The following PIK3C2A variants were observed in gnomAD, a reference collection of about 807,000 sequenced individuals.
PIK3C2A encodes phosphatidylinositol 4-phosphate 3-kinase C2 domain-containing subunit alpha.
PIK3C2A carries 97 observed loss-of-function variants against 204.5 expected under a neutral mutation model. The observed-to-expected ratio is 0.47, with a 90% confidence interval of 0.40 to 0.56. The LOEUF (loss-of-function observed/expected upper bound fraction) is 0.56, where lower values mean the gene tolerates loss of function less well. PIK3C2A is among the 20% of genes least tolerant of loss of function. The probability of loss-of-function intolerance (pLI) is 0.00; values close to 1 mark genes in which losing one functional copy is unlikely to be tolerated. For missense variants in PIK3C2A, 1,735 were observed against 1,969.2 expected (o/e 0.88, Z 2.25); for synonymous variants, 653 against 664.4 (o/e 0.98, Z 0.26).
intron 20 of PIK3C2A, among the ~76,000 whole-genome samples, chr11:17,113,666 C>T (rs1044050221): frequency 6.6e-6 from 1 of 150,768 alleles, no homozygotes; most frequent in African/African-American, 2.5e-5. Context: ...CCTGTAATCC[C>T]GGCTACTTGG....
intron 1 of PIK3C2A, among the ~76,000 whole-genome samples, chr11:17,178,114 A>AAAAAAAAAAAAAAAAG (rs1565294473): frequency 2.7e-5 from 2 of 73,238 alleles, no homozygotes; most frequent in African/African-American, 8.8e-5. Flanking sequence ...AAAAAAAAAG[A>AAAAAAAAAAAAAAAAG]AAAAAAAAAT....
At chr11:17,094,877 T>C (rs1848408355) in intron 27 of PIK3C2A, among the ~76,000 whole-genome samples, 1 of 152,124 alleles carries the variant, frequency 6.6e-6, no homozygotes, top group Non-Finnish European at 1.5e-5. Flanking sequence ...AAAAAGCAAA[T>C]ATAAGTCATT....
chr11:17,155,955 A>G (rs1169010908), intron 2 of PIK3C2A, among the ~76,000 whole-genome samples: 1 of 152,084 alleles, frequency 6.6e-6, no homozygotes, highest in Non-Finnish European at 1.5e-5. Flanking sequence ...AAATTAAAGG[A>G]CTCTCTGTTT....
chr11:17,107,754 T>C lies in PIK3C2A; in HGVS notation c.3545-2449A>G, dbSNP rs1242521323. 8.5e-5 allele frequency among the ~76,000 whole-genome samples: 13 copies of C among 152,320 alleles called. No individual in the cohort carries two copies. The East Asian group carries it at 2.3e-3, about 27-fold the overall frequency. ...ACAGAGCTCTGCTTTGGACAAAGGA[T>C]TGGAGGAAACAGAAGTTGACCAAGG... On this transcript the variant is annotated intron_variant, in intron 22 of 32. Coordinates refer to ENST00000691414, the MANE Select transcript of PIK3C2A (RefSeq NM_002645.4).
In PIK3C2A at chr11:17,134,887, C is replaced by T; in HGVS notation, c.2040G>A (p.Trp680Ter). 3 of 1,614,166 alleles carry T rather than the reference C, an allele frequency of 1.9e-6. No individual in the cohort carries two copies. The highest frequency in any genetic ancestry group is 1.7e-6 in the Non-Finnish European group (2 of 1,180,006). The change falls in exon 11 of 33, where the codon TGG (tryptophan) becomes TGA (stop). Residue 680 changes from tryptophan (W) to a stop codon, truncating the protein, a stop_gained. Coordinates refer to ENST00000691414, the MANE Select transcript of PIK3C2A (RefSeq NM_002645.4). LOFTEE classifies it high-confidence loss of function. ...AQSSKSVKEA[W>*]TTTEQLQFTI... ...TAAACTGGAGCTGCTCTGTTGTAGT[C>T]CATGCTTCCTTGACACTCTTGCTAC... is the stretch of plus-strand genomic sequence containing the variant.
chr11:17,194,783 C>A (rs1257588465), intron 1 of PIK3C2A, among the ~76,000 whole-genome samples: 1 of 152,020 alleles, frequency 6.6e-6, no homozygotes, highest in Non-Finnish European at 1.5e-5. Flanking sequence ...GTGGCACATG[C>A]CTGTTATCCC....
chr11:17,189,469 G>T (rs1380295582), intron 1 of PIK3C2A, among the ~76,000 whole-genome samples: 1 of 146,098 alleles, frequency 6.8e-6, no homozygotes, highest in Non-Finnish European at 1.5e-5. Context: ...ACAAAAATTA[G>T]CTGGGCATGG....
chr11:17,136,446 G>C lies in PIK3C2A; in HGVS notation c.1848+36C>G, dbSNP rs17847739. ...AAATCTCCTGTTTAAGTACATATTT[G>C]CATGTAATAAAATCCTAGTTACCAA... On this transcript the variant is annotated intron_variant, in intron 9 of 32. Coordinates refer to ENST00000691414, the MANE Select transcript of PIK3C2A (RefSeq NM_002645.4). 9.8e-4 allele frequency: 1,460 copies of C among 1,494,224 alleles called. 28 individuals carry two copies. In the East Asian group the frequency reaches 0.028, roughly 29 times the overall value. 92.6% of individuals were successfully genotyped at this position (1,494,224 alleles called of 1,614,324 possible). A position where few individuals can be genotyped will look rare whatever the true frequency, so the allele number is the denominator to read the frequency against.
Position 17,109,524 on chromosome 11 carries a change from A to T in PIK3C2A, c.3544+908T>A, listed in dbSNP as rs1848931082. Among the ~76,000 whole-genome samples the T allele has an allele frequency of 2.0e-5, 3 of 152,352 alleles. 1 individual carries two copies. In the South Asian group the frequency reaches 6.2e-4, roughly 32 times the overall value. ...ATAACTTTGTATGACTTTATTTTAT[A>T]AAAATGAAATCAAAGTTGATTTAAC... On this transcript the variant is annotated intron_variant, in intron 22 of 32. Transcript: ENST00000691414.
intron 1 of PIK3C2A, among the ~76,000 whole-genome samples, chr11:17,172,638 TTC>T (rs1471781457): frequency 1.3e-5 from 2 of 152,244 alleles, no homozygotes; most frequent in East Asian, 1.9e-4. Context: ...AGCAACAAAC[TTC>T]TGTTTTAACT....
intron 13 of PIK3C2A, among the ~76,000 whole-genome samples, chr11:17,127,265 G>A (rs1000828019): frequency 1.3e-5 from 2 of 152,024 alleles, no homozygotes; most frequent in African/African-American, 4.8e-5. Context: ...TCAAATAGGG[G>A]GGAAGCGACT....
chr11:17,201,598 T>C (rs1331432894), intron 1 of PIK3C2A, among the ~76,000 whole-genome samples: 6 of 151,748 alleles, frequency 4.0e-5, no homozygotes, highest in Admixed American at 3.3e-4. Flanking sequence ...TTATGTTCCC[T>C]TAGCTAAGTT....
At chr11:17,198,515 T>C (rs1288896390) in intron 1 of PIK3C2A, among the ~76,000 whole-genome samples, 2 of 152,328 alleles carry the variant, frequency 1.3e-5, no homozygotes, top group South Asian at 4.1e-4. Flanking sequence ...TAAAATTATA[T>C]AATAAAATGC....
rs371798912 is a variant in PIK3C2A at position 17,114,080 on chromosome 11, A to AAAATAAATAAATAAATAAATAAAT, written c.3321+257_3321+280dup. ...GGGCAAGAGTGAGACTTTGTCTCAAAAAATAAATAAATAAATAAATAAATA... is the reference window on the plus strand; with the variant it reads ...GGGCAAGAGTGAGACTTTGTCTCAAAAAATAAATAAATAAATAAATAAATAAATAAATAAATAAATAAATAAATA... On this transcript the variant is annotated intron_variant, in intron 20 of 32. Transcript: ENST00000691414. Among the ~76,000 whole-genome samples, 812 of 143,368 alleles carry AAAATAAATAAATAAATAAATAAAT rather than the reference A, an allele frequency of 5.7e-3. 4 individuals are homozygous for AAAATAAATAAATAAATAAATAAAT. Among genetic ancestry groups the AAAATAAATAAATAAATAAATAAAT allele is most frequent in the Non-Finnish European group, 6.6e-3 (437 of 66,020 alleles). The allele number at this position is 143,368 out of a possible 152,430, so 94.1% of individuals were successfully genotyped here.
intron 1 of PIK3C2A, among the ~76,000 whole-genome samples, chr11:17,203,498 T>C (rs911367954): frequency 1.3e-5 from 2 of 152,158 alleles, no homozygotes; most frequent in Non-Finnish European, 2.9e-5. Flanking sequence ...ATGAACAACC[T>C]GAAAGATACT....
chr11:17,205,056 A>AGC (rs1852517511), intron 1 of PIK3C2A, among the ~76,000 whole-genome samples: 1 of 151,838 alleles, frequency 6.6e-6, no homozygotes, highest in South Asian at 2.1e-4. Flanking sequence ...GTGCACCTGT[A>AGC]ATCCCAGCTA....
intron 2 of PIK3C2A, among the ~76,000 whole-genome samples, chr11:17,159,679 G>A (rs1850712804): frequency 6.6e-6 from 1 of 152,162 alleles, no homozygotes; most frequent in Non-Finnish European, 1.5e-5. Context: ...GGAAGCTAAA[G>A]GAGACATAAG....
rs755661913 is a variant in PIK3C2A at position 17,169,160 on chromosome 11, T to C, written c.582A>G (p.Pro194=). ...PIYLSLPGQS[P]YFSYPLTPAT... ...CAGGTGTCAAAGGATATGAGAAATA[T>C]GGAGATTGTCCCGGAAGACTTAAAT... is the stretch of plus-strand genomic sequence containing the variant. The change falls in exon 2 of 33, where the codon CCA becomes CCG. Residue 194 remains proline (P), a synonymous_variant. Coordinates refer to ENST00000691414, the MANE Select transcript of PIK3C2A (RefSeq NM_002645.4). 30 of 1,613,850 alleles carry C rather than the reference T, an allele frequency of 1.9e-5. No individual in the cohort carries two copies. Among genetic ancestry groups the C allele is most frequent in the East Asian group, 4.5e-5 (2 of 44,896 alleles).
chr11:17,117,357 G>A, intron 19 of PIK3C2A, 134 bp downstream of exon 19: 1 of 515,404 alleles, frequency 1.9e-6, no homozygotes, highest in Non-Finnish European at 3.5e-6. Context: ...GAATTTATCT[G>A]CCCCAAATAG....
Sources: gnomAD v4.1 joint callset for allele counts (sites outside exome capture counted in the v4.1 genomes callset) on GRCh38, gnomAD v4.1.1 for gene constraint, MANE v1.5 for transcripts, NCBI Gene and HGNC (gene_info 2026-07-23, HGNC 2026-07-21) for gene names.